Variants in AGPAT5 observed in about 807,000 individuals in gnomAD.
The protein encoded by AGPAT5 is 1-acylglycerol-3-phosphate O-acyltransferase 5.
A neutral mutation model predicts 45.6 loss-of-function variants in AGPAT5; 46 were observed. The observed-to-expected ratio is 1.01, with a 90% confidence interval of 0.80 to 1.29. The LOEUF is 1.29. Ranked by LOEUF, AGPAT5 falls within the 50% of genes most tolerant of loss-of-function variation. AGPAT5 has a pLI of 0.00. For missense variants in AGPAT5, 673 were observed against 450.7 expected (o/e 1.49, Z -4.47); for synonymous variants, 272 against 167.0 (o/e 1.63, Z -4.85).
chr8:6,750,724 C>CTTT (rs34086600), intron 6 of AGPAT5, among the ~76,000 whole-genome samples: 2 of 146,860 alleles, frequency 1.4e-5, no homozygotes, highest in Admixed American at 6.8e-5. Flanking sequence ...CAGGGGATAC[C>CTTT]TTTTTTTTTT....
intron 7 of AGPAT5, 82 bp from the exon 8 acceptor site, chr8:6,757,081 G>GT: frequency 9.6e-7 from 1 of 1,038,888 alleles, no homozygotes; most frequent in South Asian, 1.6e-5. Context: ...CTTTTCCAGC[G>GT]TGTAATAGCT....
intron 2 of AGPAT5, 29 bp downstream of exon 2, chr8:6,724,968 G>A (rs778342391): frequency 2.1e-6 from 2 of 938,940 alleles, no homozygotes; most frequent in Non-Finnish European, 2.8e-6. Flanking sequence ...TGAAACATAG[G>A]TTTTTCTACA....
At chr8:6,728,642 A>G (rs1022696253) in intron 2 of AGPAT5, among the ~76,000 whole-genome samples, 3 of 151,856 alleles carry the variant, frequency 2.0e-5, no homozygotes, top group African/African-American at 4.9e-5. Flanking sequence ...TAAAAAAATT[A>G]TTGCAGGAAA....
chr8:6,709,189 A>C, intron 1 of AGPAT5: 2 of 450,154 alleles, frequency 4.4e-6, no homozygotes, highest in Non-Finnish European at 8.2e-6. Context: ...GTTTTAAATA[A>C]TAGGGCACGC....
chr8:6,752,257 G>A (rs138940407), intron 6 of AGPAT5, among the ~76,000 whole-genome samples: 6 of 152,080 alleles, frequency 3.9e-5, no homozygotes, highest in Admixed American at 2.0e-4. Context: ...CCTGTCCAGC[G>A]GTAACCCCAA....
chr8:6,722,207 T>C (rs1235691146), intron 1 of AGPAT5, among the ~76,000 whole-genome samples: 1 of 152,206 alleles, frequency 6.6e-6, no homozygotes, highest in African/African-American at 2.4e-5. Context: ...TGGAAATTCA[T>C]ATCACCTTTC....
At chr8:6,747,623 G>C (rs369599591) in intron 5 of AGPAT5, 47 bp from the exon 6 acceptor site, 6 of 1,540,306 alleles carry the variant, frequency 3.9e-6, no homozygotes, top group Non-Finnish European at 5.3e-6. Context: ...AGTATATTGT[G>C]GAGGTGTTTT....
chr8:6,734,475 C>G (rs1800975052), intron 4 of AGPAT5, among the ~76,000 whole-genome samples: 1 of 152,104 alleles, frequency 6.6e-6, no homozygotes. Flanking sequence ...CATCTCTGTG[C>G]TAGTGTATCT....
At chr8:6,719,349 CAAGT>C (rs1800428334) in intron 1 of AGPAT5, among the ~76,000 whole-genome samples, 1 of 152,148 alleles carries the variant, frequency 6.6e-6, no homozygotes, top group South Asian at 2.1e-4. Context: ...GCAGGATCCT[CAAGT>C]AAGCCATTGA....
chr8:6,709,836 G>A (rs1434275440), intron 1 of AGPAT5, among the ~76,000 whole-genome samples: 6 of 152,126 alleles, frequency 3.9e-5, no homozygotes, highest in Non-Finnish European at 8.8e-5. Context: ...AGTTGTTTGG[G>A]GGGAAGGAAC....
chr8:6,708,673 T>C lies in AGPAT5; in HGVS notation c.5T>C (p.Leu2Pro), dbSNP rs758038667. The C allele has an allele frequency of 6.9e-6, 11 of 1,586,174 alleles. No individual in the cohort carries two copies. Among genetic ancestry groups the C allele is most frequent in the Non-Finnish European group, 9.4e-6 (11 of 1,172,794 alleles). The change falls in exon 1 of 8, where the codon CTG becomes CCG. Residue 2 changes from leucine to proline, a missense_variant. By Grantham distance (98) the Leu-to-Pro change is moderately conservative. Transcript: ENST00000285518. M[L>P]LSLVLHTYSM... ...CGCTGCCGCCGAGCTGAGAAGATGC[T>C]GCTGTCCCTGGTGCTCCACACGTAC...
intron 4 of AGPAT5, among the ~76,000 whole-genome samples, chr8:6,735,356 A>G (rs182181945): frequency 6.6e-6 from 1 of 152,056 alleles, no homozygotes; most frequent in African/African-American, 2.4e-5. Context: ...CCCTGACCGC[A>G]GTGTGTTTTC....
intron 5 of AGPAT5, among the ~76,000 whole-genome samples, chr8:6,746,510 A>T (rs527677229): frequency 1.5e-4 from 23 of 152,370 alleles, no homozygotes; most frequent in African/African-American, 5.1e-4. Flanking sequence ...ATAAAGTTGG[A>T]TGAGCTCCAG....
intron 4 of AGPAT5, among the ~76,000 whole-genome samples, chr8:6,735,194 A>C (rs1225981930): frequency 6.6e-6 from 1 of 152,038 alleles, no homozygotes; most frequent in Non-Finnish European, 1.5e-5. Flanking sequence ...TCGAGTATTC[A>C]TCCGTGCCCC....
At chr8:6,722,729 T>A (rs2936520) in intron 1 of AGPAT5, among the ~76,000 whole-genome samples, 1 of 152,104 alleles carries the variant, frequency 6.6e-6, no homozygotes, top group African/African-American at 2.4e-5. Context: ...AAATAAGTTT[T>A]TTTGACGAAA....
chr8:6,731,041 C>G (rs570180347), intron 3 of AGPAT5, among the ~76,000 whole-genome samples: 1 of 151,656 alleles, frequency 6.6e-6, no homozygotes, highest in Non-Finnish European at 1.5e-5. Flanking sequence ...GCTAAATTTT[C>G]TATTTTTTGT....
chr8:6,742,550 C>G (rs1801275647), intron 5 of AGPAT5, among the ~76,000 whole-genome samples: 1 of 152,300 alleles, frequency 6.6e-6, no homozygotes, highest in East Asian at 1.9e-4. Flanking sequence ...TATGACAGTG[C>G]TGTCTAATGG....
intron 4 of AGPAT5, 148 bp downstream of exon 4, chr8:6,732,798 A>C (rs191022960): frequency 1.4e-6 from 1 of 718,256 alleles, no homozygotes; most frequent in African/African-American, 1.8e-5. Context: ...GAAACCCTCT[A>C]TGTACAGGTA....
Position 6,760,161 on chromosome 8 carries a change from CATAG to C in AGPAT5, c.*2779_*2782del, listed in dbSNP as rs1208834491. On this transcript the variant is annotated 3_prime_UTR_variant, in exon 8 of 8. Transcript: ENST00000285518. ...AATCAAGTGATCTAACTAGACTGAT[CATAG>C]ATAGAAGGAAATAAGGCCAAGTTCA... Among the ~76,000 whole-genome samples, 1 of 151,938 alleles carries C rather than the reference CATAG, an allele frequency of 6.6e-6. No homozygotes were observed.
Sources: allele counts gnomAD v4.1 joint callset (sites outside exome capture counted in the v4.1 genomes callset), GRCh38; gene constraint gnomAD v4.1.1; transcripts MANE v1.5; gene names NCBI Gene and HGNC (gene_info 2026-07-23, HGNC 2026-07-21).